The following ANO3 variants were observed in gnomAD, a reference collection of about 807,000 sequenced individuals.
ANO3 encodes anoctamin-3.
In ANO3, 99 loss-of-function variants were observed where a neutral mutation model predicts 144.8. The ratio of observed to expected loss-of-function variants is 0.68; its 90% CI spans 0.58 to 0.81. ANO3 has a LOEUF of 0.81. Ranked by LOEUF, ANO3 falls within the 30% of genes least tolerant of loss-of-function variation. The pLI is 0.00. For missense variants in ANO3, 905 were observed against 1,202.2 expected (o/e 0.75, Z 3.66); for synonymous variants, 414 against 392.6 (o/e 1.05, Z -0.64).
At chr11:26,569,178 G>A (rs1168639987) in intron 14 of ANO3, among the ~76,000 whole-genome samples, 1 of 151,956 alleles carries the variant, frequency 6.6e-6, no homozygotes, top group East Asian at 1.9e-4. Context: ...ACCACCAAGG[G>A]GATCTCTCAT....
chr11:26,613,912 C>T (rs1852172819), intron 17 of ANO3, among the ~76,000 whole-genome samples: 1 of 152,220 alleles, frequency 6.6e-6, no homozygotes, highest in African/African-American at 2.4e-5. Context: ...GAGGCACTGG[C>T]CATTTCCAGG....
rs1853851294 is a variant in ANO3 at position 26,660,652 on chromosome 11, T to C, written c.*208T>C. 2.0e-6 allele frequency: 1 copy of C among 489,998 alleles called. No homozygotes were observed. The highest frequency in any genetic ancestry group is 4.2e-5 in the Admixed American group (1 of 23,910). 30.4% of individuals were successfully genotyped at this position (489,998 alleles called of 1,614,324 possible). On this transcript the variant is annotated 3_prime_UTR_variant, in exon 27 of 27. Coordinates refer to ENST00000256737, the MANE Select transcript of ANO3 (RefSeq NM_031418.4). ...ATGACTTGACGACCTTAAAAAGGGT[T>C]AGATTGACATTGCAGGAAGCCAGGA...
intron 4 of ANO3, among the ~76,000 whole-genome samples, chr11:26,500,362 C>A (rs545316435): frequency 9.9e-4 from 150 of 152,050 alleles, no homozygotes; most frequent in Non-Finnish European, 1.0e-3. Context: ...ATGTTTAATA[C>A]TATAAGAAAT....
At chr11:26,468,497 G>T (rs1036472848) in intron 4 of ANO3, among the ~76,000 whole-genome samples, 3 of 151,944 alleles carry the variant, frequency 2.0e-5, no homozygotes, top group African/African-American at 7.2e-5. Flanking sequence ...ACTGGCATTG[G>T]CAGATGGTAC....
rs61877282 is a variant in ANO3 at position 26,661,637 on chromosome 11, C to G, written c.*1193C>G. The G allele has an allele frequency of 0.055, 8,415 of 152,056 alleles. 260 individuals carry two copies. Among genetic ancestry groups the G allele is most frequent in the Non-Finnish European group, 0.076 (5,164 of 67,972 alleles). 9.4% of individuals were successfully genotyped at this position (152,056 alleles called of 1,614,324 possible). A position where few individuals can be genotyped will look rare whatever the true frequency, so the allele number is the denominator to read the frequency against. On this transcript the variant is annotated 3_prime_UTR_variant, in exon 27 of 27. Transcript: ENST00000256737. ...GGGAGTTTTATGTTATTATTTCTTC[C>G]ATAGTTTTGTTTTGGTTTATTTTTA...
At chr11:26,369,731 G>T (rs979382611) in intron 1 of ANO3, among the ~76,000 whole-genome samples, 1 of 152,070 alleles carries the variant, frequency 6.6e-6, no homozygotes, top group Middle Eastern at 3.4e-3. Context: ...TTTAAAGAAA[G>T]TATCTCCTTA....
intron 17 of ANO3, among the ~76,000 whole-genome samples, chr11:26,623,287 T>C (rs1227875637): frequency 6.6e-6 from 1 of 152,192 alleles, no homozygotes; most frequent in Non-Finnish European, 1.5e-5. Context: ...CAACTTTTAA[T>C]ATGTCCAGAT....
intron 1 of ANO3, among the ~76,000 whole-genome samples, chr11:26,255,279 A>T (rs1404395410): frequency 1.3e-5 from 2 of 152,138 alleles, no homozygotes; most frequent in Non-Finnish European, 2.9e-5. Context: ...TTCCCTGATC[A>T]ACACTAGTGT....
At chr11:26,277,283 T>C (rs529772290) in intron 1 of ANO3, among the ~76,000 whole-genome samples, 2 of 152,246 alleles carry the variant, frequency 1.3e-5, no homozygotes, top group African/African-American at 2.4e-5. Flanking sequence ...TATTTCTCAT[T>C]ATATAAATAG....
chr11:26,568,200 G>T (rs1850671549), intron 14 of ANO3, among the ~76,000 whole-genome samples: 3 of 152,032 alleles, frequency 2.0e-5, no homozygotes, highest in South Asian at 2.1e-4. Flanking sequence ...TGATATATCA[G>T]CTGCTTTACA....
intron 1 of ANO3, among the ~76,000 whole-genome samples, chr11:26,417,104 A>G (rs1857611953): frequency 6.6e-6 from 1 of 152,128 alleles, no homozygotes; most frequent in African/African-American, 2.4e-5. Flanking sequence ...GAGCAAGATT[A>G]TAAGGATACT....
chr11:26,292,907 T>C (rs1051729961), intron 1 of ANO3, among the ~76,000 whole-genome samples: 1 of 152,136 alleles, frequency 6.6e-6, no homozygotes, highest in African/African-American at 2.4e-5. Flanking sequence ...AGGCAGTCTG[T>C]CCGTTCTCAG....
At chr11:26,358,839 T>G (rs1185137851) in intron 1 of ANO3, among the ~76,000 whole-genome samples, 1 of 152,158 alleles carries the variant, frequency 6.6e-6, no homozygotes, top group Non-Finnish European at 1.5e-5. Context: ...TTCACCAACG[T>G]TTTCTTTCTT....
chr11:26,434,228 T>C (rs1858217448), intron 1 of ANO3, among the ~76,000 whole-genome samples: 1 of 152,194 alleles, frequency 6.6e-6, no homozygotes, highest in Non-Finnish European at 1.5e-5. Context: ...ATTAATACTC[T>C]CTGATGGTTA....
chr11:26,471,838 G>A (rs928856091), intron 4 of ANO3, among the ~76,000 whole-genome samples: 1 of 151,874 alleles, frequency 6.6e-6, no homozygotes, highest in African/African-American at 2.4e-5. Flanking sequence ...ATAAGTCAAA[G>A]GTGTTTTCTC....
intron 14 of ANO3, among the ~76,000 whole-genome samples, chr11:26,590,013 G>T (rs549238950): frequency 5.9e-5 from 9 of 152,262 alleles, no homozygotes; most frequent in South Asian, 2.1e-4. Flanking sequence ...TAGAGAGCTC[G>T]TGACATTTCT....
At chr11:26,435,908 T>C (rs1318508193) in intron 1 of ANO3, among the ~76,000 whole-genome samples, 1 of 152,238 alleles carries the variant, frequency 6.6e-6, no homozygotes, top group Non-Finnish European at 1.5e-5. Context: ...CAACTCAACC[T>C]GGTTAACAAC....
intron 4 of ANO3, among the ~76,000 whole-genome samples, chr11:26,497,868 T>A (rs7935953): frequency 0.6 from 90,921 of 151,854 alleles, 27,911 homozygotes; most frequent in East Asian, 0.68. Flanking sequence ...TTTTAGCATA[T>A]AAGATCAAAT....
chr11:26,393,648 G>A (rs887466535), intron 1 of ANO3, among the ~76,000 whole-genome samples: 1 of 152,108 alleles, frequency 6.6e-6, no homozygotes, highest in East Asian at 1.9e-4. Flanking sequence ...AACATTTGCT[G>A]CTTTAGTTTT....
Sources: allele counts gnomAD v4.1 joint callset (sites outside exome capture counted in the v4.1 genomes callset), GRCh38; gene constraint gnomAD v4.1.1; transcripts MANE v1.5; gene names NCBI Gene and HGNC (gene_info 2026-07-23, HGNC 2026-07-21).